The following TSC22D1 variants were observed in gnomAD, a reference collection of about 807,000 sequenced individuals.
TSC22D1 encodes the protein TSC22 domain family member 1.
A neutral mutation model predicts 74.2 loss-of-function variants in TSC22D1; 9 were observed. That is an observed-to-expected ratio of 0.12 (90% CI 0.07 to 0.21). The LOEUF (loss-of-function observed/expected upper bound fraction) is 0.21, where lower values mean the gene tolerates loss of function less well. Ranked by LOEUF, TSC22D1 falls within the 10% of genes least tolerant of loss-of-function variation. The pLI is 1.00. For missense variants in TSC22D1, 1,427 were observed against 1,304.7 expected, an observed-to-expected ratio of 1.09 and a Z score of -1.44; for synonymous variants, 586 against 492.5, an observed-to-expected ratio of 1.19 and a Z score of -2.51.
chr13:44,451,637 T>C (rs1876141866), intron 1 of TSC22D1: 1 of 151,930 alleles, frequency 6.6e-6, no homozygotes, highest in African/African-American at 2.4e-5. Context: ...TTAGGAGAAA[T>C]AAAAACAAAC....
At chr13:44,561,131 A>C (rs949426571) in intron 1 of TSC22D1, among the ~76,000 whole-genome samples, 3 of 152,302 alleles carry the variant, frequency 2.0e-5, no homozygotes, top group African/African-American at 7.2e-5. Context: ...GGCTCCTTAC[A>C]TTCCACAGCT....
At chr13:44,576,566 G>GGCCGCC (rs530710121), upstream of TSC22D1, 2,821 of 154,012 alleles carry the variant, frequency 0.018, 46 homozygotes, top group Middle Eastern at 0.057. Flanking sequence ...CCACCCCCGG[G>GGCCGCC]GCCGCCGCCG....
chr13:44,485,176 A>T (rs955383673), intron 1 of TSC22D1, among the ~76,000 whole-genome samples: 8 of 152,300 alleles, frequency 5.3e-5, no homozygotes, highest in African/African-American at 1.9e-4. Flanking sequence ...GTTAGAAAAT[A>T]AGAGTTTTAA....
intron 1 of TSC22D1, among the ~76,000 whole-genome samples, chr13:44,509,950 C>CAAAAAAAAAAAAAAAAAAAAA: frequency 6.0e-4 from 31 of 51,424 alleles, no homozygotes; most frequent in Non-Finnish European, 7.9e-4. Flanking sequence ...AGAAAATAAG[C>CAAAAAAAAAAAAAAAAAAAAA]AAAAAAAAAA....
intron 1 of TSC22D1, chr13:44,436,839 G>A: frequency 7.5e-7 from 1 of 1,335,210 alleles, no homozygotes; most frequent in Non-Finnish European, 9.5e-7. Context: ...TCCGCAGCCG[G>A]GCTCCACTCA....
At chr13:44,473,694 A>G (rs1877736690) in intron 1 of TSC22D1, among the ~76,000 whole-genome samples, 1 of 152,120 alleles carries the variant, frequency 6.6e-6, no homozygotes, top group South Asian at 2.1e-4. Context: ...AAGCATTCAC[A>G]AAAATCCACA....
chr13:44,443,105 T>A (rs1875344296), intron 1 of TSC22D1, among the ~76,000 whole-genome samples: 1 of 149,726 alleles, frequency 6.7e-6, no homozygotes, highest in South Asian at 2.1e-4. Context: ...AACCTACAGA[T>A]CCAAGAAGCT....
intron 1 of TSC22D1, among the ~76,000 whole-genome samples, chr13:44,549,395 A>G (rs964710498): frequency 6.6e-6 from 1 of 152,180 alleles, no homozygotes; most frequent in Non-Finnish European, 1.5e-5. Flanking sequence ...AATTGAGCCT[A>G]AAGTGACAAG....
intron 1 of TSC22D1, among the ~76,000 whole-genome samples, chr13:44,456,217 A>T (rs776068341): frequency 2.0e-5 from 3 of 152,198 alleles, no homozygotes; most frequent in Non-Finnish European, 4.4e-5. Context: ...TAACAGTAAA[A>T]CAACAAAGCT....
chr13:44,464,899 GC>G (rs1319175215), intron 1 of TSC22D1, among the ~76,000 whole-genome samples: 1 of 152,086 alleles, frequency 6.6e-6, no homozygotes, highest in Non-Finnish European at 1.5e-5. Context: ...TGCCACCTCT[GC>G]TCTAATTAAA....
At chr13:44,482,054 A>G (rs1036028176) in intron 1 of TSC22D1, among the ~76,000 whole-genome samples, 3 of 152,172 alleles carry the variant, frequency 2.0e-5, no homozygotes, top group African/African-American at 7.2e-5. Context: ...TGCTTAATAT[A>G]TTTTTATTTT....
At chr13:44,499,897 G>C (rs1046603257) in intron 1 of TSC22D1, among the ~76,000 whole-genome samples, 32 of 151,938 alleles carry the variant, frequency 2.1e-4, no homozygotes, top group Admixed American at 1.8e-3. Flanking sequence ...GACCAGCCTG[G>C]CCTACATGGT....
At chr13:44,533,145 G>C (rs1456593722) in intron 1 of TSC22D1, among the ~76,000 whole-genome samples, 1 of 152,066 alleles carries the variant, frequency 6.6e-6, no homozygotes, top group Non-Finnish European at 1.5e-5. Context: ...TGGGAGCGGG[G>C]GCCAGGCATG....
chr13:44,447,261 G>A (rs923138560), intron 1 of TSC22D1, among the ~76,000 whole-genome samples: 16 of 151,762 alleles, frequency 1.1e-4, no homozygotes, highest in African/African-American at 3.6e-4. Flanking sequence ...TGAGATTATA[G>A]GCGTGAGCCA....
At chr13:44,518,041 G>A (rs1290710138) in intron 1 of TSC22D1, among the ~76,000 whole-genome samples, 1 of 141,996 alleles carries the variant, frequency 7.0e-6, no homozygotes, top group East Asian at 2.0e-4. Flanking sequence ...TTTTTTTGTA[G>A]AGACAGGTCT....
chr13:44,446,445 G>T (rs1875650178), intron 1 of TSC22D1, among the ~76,000 whole-genome samples: 1 of 151,944 alleles, frequency 6.6e-6, no homozygotes. Flanking sequence ...TTCAAAACAT[G>T]TAGAACTCAA....
chr13:44,486,864 T>C (rs546470018), intron 1 of TSC22D1, among the ~76,000 whole-genome samples: 1 of 152,240 alleles, frequency 6.6e-6, no homozygotes, highest in African/African-American at 2.4e-5. Context: ...AAAATAAATC[T>C]TAATAGAAAC....
chr13:44,441,413 A>T (rs1487861320), intron 1 of TSC22D1, among the ~76,000 whole-genome samples: 1 of 152,270 alleles, frequency 6.6e-6, no homozygotes, highest in Non-Finnish European at 1.5e-5. Context: ...CGGAATGCTC[A>T]TAAAATATAC....
chr13:44,514,945 C>A (rs556800868), intron 1 of TSC22D1, among the ~76,000 whole-genome samples: 2 of 152,006 alleles, frequency 1.3e-5, no homozygotes, highest in African/African-American at 4.8e-5. Flanking sequence ...ACAGTATTAA[C>A]CTAATAGATA....
Sources: gnomAD v4.1 joint callset for allele counts (sites outside exome capture counted in the v4.1 genomes callset) on GRCh38, gnomAD v4.1.1 for gene constraint, MANE v1.5 for transcripts, NCBI Gene and HGNC (gene_info 2026-07-23, HGNC 2026-07-21) for gene names.